ELP3: variants seen among roughly 807,000 people sequenced by gnomAD.
The protein encoded by ELP3 is elongator complex protein 3.
In ELP3, 56 loss-of-function variants were observed where a neutral mutation model predicts 74.9. The observed-to-expected ratio is 0.75, with a 90% CI of 0.60 to 0.93. ELP3 has a LOEUF of 0.93. Among genes scored for constraint, ELP3 ranks in the 40% least tolerant of loss-of-function variants. The pLI is 0.00. For synonymous variants in ELP3, 222 were observed against 239.8 expected (o/e 0.93, Z 0.68); for missense variants, 573 against 686.5 (o/e 0.83, Z 1.85).
At chr8:28,121,913 C>CCCAGTGAT (rs1253283416) in intron 7 of ELP3, among the ~76,000 whole-genome samples, 1 of 152,194 alleles carries the variant, frequency 6.6e-6, no homozygotes, top group Non-Finnish European at 1.5e-5. Flanking sequence ...CTGTCTTGTT[C>CCCAGTGAT]CCAGTGATAC....
At chr8:28,146,689 C>T (rs1180245120) in intron 10 of ELP3, among the ~76,000 whole-genome samples, 1 of 152,198 alleles carries the variant, frequency 6.6e-6, no homozygotes, top group East Asian at 1.9e-4. Flanking sequence ...CTGCAGTACT[C>T]TGTCCATTGA....
chr8:28,147,597 T>TA lies in ELP3; in HGVS notation c.1101-8344dup, dbSNP rs1436915435. The stretch of plus-strand genomic sequence containing the variant: ...TTAAAAATTTATATATAGAAATAGT[T>TA]ATAGCGTGTATGTTTATATATATAA... On this transcript the variant is annotated intron_variant, in intron 10 of 14. Coordinates refer to ENST00000256398, the MANE Select transcript of ELP3 (RefSeq NM_018091.6). The surrounding 1 kb of genome is among the most constrained non-coding windows in gnomAD (Gnocchi z 4.5). 2.0e-5 allele frequency among the ~76,000 whole-genome samples: 3 copies of TA among 152,216 alleles called. No homozygotes were observed. The highest frequency in any genetic ancestry group is 7.2e-5 in the African/African-American group (3 of 41,458).
At chr8:28,093,009 G>A (rs1190053279), upstream of ELP3, 23 of 756,594 alleles carry the variant, frequency 3.0e-5, no homozygotes, top group Admixed American at 3.7e-4. Flanking sequence ...CGCAGCCTAG[G>A]GGCCTCACGG....
At chr8:28,181,568 GAC>G (rs1159327205) in intron 14 of ELP3, among the ~76,000 whole-genome samples, 1 of 152,206 alleles carries the variant, frequency 6.6e-6, no homozygotes, top group African/African-American at 2.4e-5. Flanking sequence ...TGAAAAACTG[GAC>G]ACAGATACAG....
chr8:28,183,172 G>T (rs1000848905), intron 14 of ELP3: 4 of 456,194 alleles, frequency 8.8e-6, no homozygotes, highest in African/African-American at 2.0e-5. Flanking sequence ...AAATAAACAG[G>T]CTTGTTTTCT....
At chr8:28,155,890 G>A in intron 10 of ELP3, 52 bp from the exon 11 acceptor site, 1 of 1,441,900 alleles carries the variant, frequency 6.9e-7, no homozygotes, top group Middle Eastern at 1.8e-4. Flanking sequence ...CCTTACTGCT[G>A]TGGAGAATGA....
rs75841815 is a variant in ELP3 at position 28,167,893 on chromosome 8, A to T, written c.1567+5815A>T. On this transcript the variant is annotated intron_variant, in intron 14 of 14. Transcript: ENST00000256398. ...ATATCTTCTTAAAGACAATGGATACAATATAAAGTATTTCTTTACTACAGG... is the reference window on the plus strand; with the variant it reads ...ATATCTTCTTAAAGACAATGGATACTATATAAAGTATTTCTTTACTACAGG... Among the ~76,000 whole-genome samples, 56 of 152,364 alleles carry T rather than the reference A, an allele frequency of 3.7e-4. No homozygotes were observed. The East Asian group carries it at 0.01, about 28-fold the overall frequency.
At chr8:28,097,452 A>G (rs1585627621) in intron 2 of ELP3, 134 bp downstream of exon 2, 1 of 549,098 alleles carries the variant, frequency 1.8e-6, no homozygotes, top group African/African-American at 2.0e-5. Context: ...TTGCCTTGTC[A>G]TTCATTTCTT....
intron 3 of ELP3, among the ~76,000 whole-genome samples, chr8:28,105,837 A>G (rs1811666751): frequency 6.6e-6 from 1 of 152,138 alleles, no homozygotes; most frequent in South Asian, 2.1e-4. Flanking sequence ...CCCTGGATGT[A>G]ACCAATCTTG....
At chr8:28,156,605 G>A (rs1813838369) in intron 11 of ELP3, among the ~76,000 whole-genome samples, 1 of 152,130 alleles carries the variant, frequency 6.6e-6, no homozygotes, top group African/African-American at 2.4e-5. Flanking sequence ...CAGTGCTCAG[G>A]AACTTCTTAG....
At chr8:28,149,823 C>T (rs1813573490) in intron 10 of ELP3, among the ~76,000 whole-genome samples, 1 of 152,180 alleles carries the variant, frequency 6.6e-6, no homozygotes, top group South Asian at 2.1e-4. Context: ...CTAAGCACTG[C>T]TTTTGCTGCC....
chr8:28,183,759 G>A (rs1399934372), intron 14 of ELP3, among the ~76,000 whole-genome samples: 1 of 152,224 alleles, frequency 6.6e-6, no homozygotes, highest in East Asian at 1.9e-4. Flanking sequence ...CTGTAGCAGG[G>A]CACCCTGAGG....
chr8:28,182,195 C>T (rs565643057), intron 14 of ELP3, among the ~76,000 whole-genome samples: 8 of 152,222 alleles, frequency 5.3e-5, no homozygotes, highest in South Asian at 2.1e-4. Flanking sequence ...CACAGACTGG[C>T]TTACTCTATC....
At position 28,136,792 on chromosome 8, in the gene ELP3, G is replaced by A. The variant is rs181954366; in HGVS notation, c.907-906G>A. ...TACTCCCACCAAGGTGGGAGTGAGA[G>A]GGGACTGTGAGTCCACTTTCATTTC... On this transcript the variant is annotated intron_variant, in intron 9 of 14. Transcript: ENST00000256398. 9.1e-4 allele frequency among the ~76,000 whole-genome samples: 138 copies of A among 152,304 alleles called. 1 individual carries two copies. The highest frequency in any genetic ancestry group is 3.4e-3 in the Middle Eastern group (1 of 294).
intron 14 of ELP3, among the ~76,000 whole-genome samples, chr8:28,170,625 C>T (rs1018188225): frequency 6.6e-6 from 1 of 152,164 alleles, no homozygotes; most frequent in Non-Finnish European, 1.5e-5. Context: ...TACATGGTTT[C>T]CCTCTGGAGC....
intron 14 of ELP3, among the ~76,000 whole-genome samples, chr8:28,171,365 T>A (rs867770953): frequency 3.3e-4 from 48 of 144,976 alleles, no homozygotes; most frequent in African/African-American, 1.2e-3. Flanking sequence ...TTTTTTTTTT[T>A]ATAGCCATCC....
chr8:28,129,623 G>GT lies in ELP3; in HGVS notation c.740dup (p.Gln248AlafsTer5). The GT allele has an allele frequency of 6.2e-7, 1 of 1,614,194 alleles. No individual in the cohort carries two copies. Among genetic ancestry groups the GT allele is most frequent in the Non-Finnish European group, 8.5e-7 (1 of 1,180,018 alleles). On this transcript the variant is annotated frameshift_variant, in exon 8 of 15. Coordinates refer to ENST00000256398, the MANE Select transcript of ELP3 (RefSeq NM_018091.6). LOFTEE classifies it high-confidence loss of function. ...TGGCTGCACAAGGCTGGAGATTGGG[G>GT]TGCAGAGTGTTTATGAAGATGTGGC...
chr8:28,149,490 A>C (rs1813560221), intron 10 of ELP3, among the ~76,000 whole-genome samples: 1 of 152,140 alleles, frequency 6.6e-6, no homozygotes, highest in African/African-American at 2.4e-5. Context: ...TTCCATTGTT[A>C]TCCTTTTAAT....
intron 14 of ELP3, among the ~76,000 whole-genome samples, chr8:28,173,600 C>T (rs1814623000): frequency 6.7e-6 from 1 of 149,140 alleles, no homozygotes; most frequent in African/African-American, 2.5e-5. Context: ...TTATTTTCTT[C>T]CTTCTGCTAG....
Sources: gnomAD v4.1 joint callset for allele counts (sites outside exome capture counted in the v4.1 genomes callset) on GRCh38, gnomAD v4.1.1 for gene constraint, Gnocchi (gnomAD v3.1) non-coding constraint, MANE v1.5 for transcripts, NCBI Gene and HGNC (gene_info 2026-07-23, HGNC 2026-07-21) for gene names.